ZBTB20: variants seen among roughly 807,000 people sequenced by gnomAD.
ZBTB20 encodes zinc finger and BTB domain containing 20.
In ZBTB20, 9 loss-of-function variants were observed where a neutral mutation model predicts 56.9. That is an observed-to-expected ratio of 0.16 (90% CI 0.10 to 0.28). The LOEUF (loss-of-function observed/expected upper bound fraction) is 0.28. Among genes scored for constraint, ZBTB20 ranks in the 10% least tolerant of loss-of-function variants. The pLI, the probability that ZBTB20 is intolerant of heterozygous loss-of-function variation, is 1.00. For missense variants in ZBTB20, 655 were observed against 1,003.0 expected (o/e 0.65, Z 4.69); for synonymous variants, 417 against 420.7 (o/e 0.99, Z 0.11).
At chr3:114,655,668 T>C (rs1430648991) in intron 6 of ZBTB20, among the ~76,000 whole-genome samples, 1 of 152,222 alleles carries the variant, frequency 6.6e-6, no homozygotes, top group Non-Finnish European at 1.5e-5. Flanking sequence ...AGGATTACAA[T>C]ATGCCTCTTT....
At chr3:114,917,036 A>G (rs1340025744) in intron 3 of ZBTB20, among the ~76,000 whole-genome samples, 6 of 152,040 alleles carry the variant, frequency 3.9e-5, no homozygotes, top group Non-Finnish European at 1.5e-5. Context: ...CCTGTTGAGT[A>G]TCTTGTAGGC....
At chr3:114,494,753 G>A (rs1175270973) in intron 7 of ZBTB20, among the ~76,000 whole-genome samples, 1 of 152,234 alleles carries the variant, frequency 6.6e-6, no homozygotes, top group Non-Finnish European at 1.5e-5. Flanking sequence ...CTGAAGGGAA[G>A]AGAGTCAGCA....
chr3:114,677,104 A>T (rs187235986), intron 6 of ZBTB20, among the ~76,000 whole-genome samples: 94 of 152,292 alleles, frequency 6.2e-4, no homozygotes, highest in African/African-American at 2.2e-3. Context: ...AAGTTTATGC[A>T]GGAGGAAACA....
chr3:114,567,252 T>C (rs931749971), intron 6 of ZBTB20, among the ~76,000 whole-genome samples: 2 of 152,226 alleles, frequency 1.3e-5, no homozygotes, highest in Non-Finnish European at 2.9e-5. Flanking sequence ...GCTGTGCTAA[T>C]GATGGACATT....
At chr3:114,406,884 CAT>C (rs762466577) in intron 7 of ZBTB20, among the ~76,000 whole-genome samples, 18 of 152,154 alleles carry the variant, frequency 1.2e-4, no homozygotes, top group East Asian at 5.8e-4. Context: ...ATATTCTACA[CAT>C]GTTTTTCATA....
chr3:114,350,229 C>A (rs1217029719), intron 11 of ZBTB20, 45 bp downstream of exon 11: 1 of 1,549,232 alleles, frequency 6.5e-7, no homozygotes, highest in African/African-American at 1.4e-5. Context: ...TTCCCACAGC[C>A]CCCTCAGCCC....
At chr3:115,133,334 T>C (rs1368680099) in intron 1 of ZBTB20, among the ~76,000 whole-genome samples, 2 of 152,226 alleles carry the variant, frequency 1.3e-5, no homozygotes, top group African/African-American at 2.4e-5. Flanking sequence ...TTTTCATTTC[T>C]AATTGTGTAC....
chr3:115,007,437 A>G (rs2079521656), intron 2 of ZBTB20, among the ~76,000 whole-genome samples: 1 of 151,864 alleles, frequency 6.6e-6, no homozygotes, highest in Non-Finnish European at 1.5e-5. Context: ...CTCATTCTTC[A>G]GGACTTTACT....
chr3:114,572,983 A>G (rs1326740940), intron 6 of ZBTB20, among the ~76,000 whole-genome samples: 2 of 152,206 alleles, frequency 1.3e-5, no homozygotes, highest in Non-Finnish European at 2.9e-5. Flanking sequence ...ACTTGTTTCA[A>G]TTACTCAGAA....
intron 4 of ZBTB20, among the ~76,000 whole-genome samples, chr3:114,830,142 G>C (rs1342703396): frequency 6.6e-6 from 1 of 151,830 alleles, no homozygotes; most frequent in Non-Finnish European, 1.5e-5. Flanking sequence ...GAGGCACCCT[G>C]TATTTCTCTG....
chr3:114,673,209 C>T (rs568445673), intron 6 of ZBTB20, among the ~76,000 whole-genome samples: 39 of 152,224 alleles, frequency 2.6e-4, no homozygotes, highest in African/African-American at 8.9e-4. Flanking sequence ...CCTGCCATGC[C>T]AACAGCATTC....
chr3:114,598,649 T>G (rs930800217), intron 6 of ZBTB20, among the ~76,000 whole-genome samples: 1 of 152,086 alleles, frequency 6.6e-6, no homozygotes, highest in African/African-American at 2.4e-5. Flanking sequence ...TCAAACATGT[T>G]TAAAATATAA....
At chr3:115,056,447 A>G (rs945035517) in intron 2 of ZBTB20, among the ~76,000 whole-genome samples, 1 of 152,080 alleles carries the variant, frequency 6.6e-6, no homozygotes. Flanking sequence ...TTTTATCCTA[A>G]AGAAATAATC....
chr3:114,951,912 T>A (rs2077078496), intron 3 of ZBTB20, among the ~76,000 whole-genome samples: 1 of 151,816 alleles, frequency 6.6e-6, no homozygotes, highest in Non-Finnish European at 1.5e-5. Context: ...GGCTTAAAAC[T>A]CAAAAATAAA....
At chr3:114,714,060 G>A (rs2064282629) in intron 5 of ZBTB20, 1 of 152,524 alleles carries the variant, frequency 6.6e-6, no homozygotes, top group African/African-American at 2.4e-5. Context: ...AAACAATACA[G>A]AGGAAAAAAA....
chr3:114,655,313 C>T (rs1382294548), intron 6 of ZBTB20, among the ~76,000 whole-genome samples: 1 of 135,156 alleles, frequency 7.4e-6, no homozygotes, highest in East Asian at 2.1e-4. Flanking sequence ...ACTGCAGTGG[C>T]GCAATCTCGG....
At chr3:114,606,859 G>A (rs114528588) in intron 6 of ZBTB20, among the ~76,000 whole-genome samples, 2 of 152,148 alleles carry the variant, frequency 1.3e-5, no homozygotes, top group Non-Finnish European at 2.9e-5. Context: ...ATTTTAGGAG[G>A]TTGAGGCGGG....
Position 114,883,916 on chromosome 3 carries a change from C to CCTTTTTTTTTTTTTTTTTTTTTTTTTT in ZBTB20, c.-417+16387_-417+16388insAAAAAAAAAAAAAAAAAAAAAAAAAAG, listed in dbSNP as rs1223732179. On this transcript the variant is annotated intron_variant, in intron 4 of 11. Transcript: ENST00000675478. The stretch of plus-strand genomic sequence containing the variant: ...GTATAACTGGTAAGAATGGTGTGTT[C>CCTTTTTTTTTTTTTTTTTTTTTTTTTT]TTTTTTTTTTTTTTTTTTTTTTTTT... 2.1e-4 allele frequency among the ~76,000 whole-genome samples: 19 copies of CCTTTTTTTTTTTTTTTTTTTTTTTTTT among 89,774 alleles called. 9 individuals are homozygous for CCTTTTTTTTTTTTTTTTTTTTTTTTTT. Among genetic ancestry groups the CCTTTTTTTTTTTTTTTTTTTTTTTTTT allele is most frequent in the Admixed American group, 3.2e-4 (2 of 6,230 alleles). 58.9% of individuals were successfully genotyped at this position (89,774 alleles called of 152,430 possible). A position where few individuals can be genotyped will look rare whatever the true frequency, so the allele number is the denominator to read the frequency against.
intron 1 of ZBTB20, among the ~76,000 whole-genome samples, chr3:115,108,925 TA>T (rs1205846993): frequency 6.6e-6 from 1 of 152,190 alleles, no homozygotes; most frequent in Non-Finnish European, 1.5e-5. Context: ...ATAAGATTAT[TA>T]TGCTATTATA....
Sources: gnomAD v4.1 joint callset for allele counts (sites outside exome capture counted in the v4.1 genomes callset) on GRCh38, gnomAD v4.1.1 for gene constraint, MANE v1.5 for transcripts, NCBI Gene and HGNC (gene_info 2026-07-23, HGNC 2026-07-21) for gene names.